Variants in PKNOX2 observed in about 807,000 individuals in gnomAD.
PKNOX2 encodes homeobox protein PKNOX2.
In PKNOX2, 14 loss-of-function variants were observed where a neutral mutation model predicts 53.1. That is an observed-to-expected ratio of 0.26 (90% CI 0.17 to 0.41). The LOEUF is 0.41. Ranked by LOEUF, PKNOX2 falls within the 10% of genes least tolerant of loss-of-function variation. The pLI is 1.00. For missense variants in PKNOX2, 496 were observed against 602.8 expected, an observed-to-expected ratio of 0.82 and a Z score of 1.85; for synonymous variants, 257 against 242.8, an observed-to-expected ratio of 1.06 and a Z score of -0.54.
rs901821319 is a variant in PKNOX2 at position 125,326,832 on chromosome 11, A to C, written c.-129-4987A>C. 3.9e-5 allele frequency among the ~76,000 whole-genome samples: 6 copies of C among 152,372 alleles called. No homozygotes were observed. The East Asian group carries it at 1.2e-3, about 29-fold the overall frequency. On this transcript the variant is annotated intron_variant, in intron 2 of 12. Transcript: ENST00000298282. ...AAACCGGTGGCATGCTTCATCCAAC[A>C]TCACAGAGCAAATGTGTGATGAAGC...
At chr11:125,206,700 C>T (rs1565469205) in intron 1 of PKNOX2, among the ~76,000 whole-genome samples, 2 of 152,050 alleles carry the variant, frequency 1.3e-5, no homozygotes, top group Non-Finnish European at 2.9e-5. Context: ...TAGTACTTAC[C>T]TCATTGAGAT....
At chr11:125,257,288 T>TAGGGGAG (rs1366756586) in intron 2 of PKNOX2, among the ~76,000 whole-genome samples, 5 of 152,054 alleles carry the variant, frequency 3.3e-5, no homozygotes, top group South Asian at 2.1e-4. Context: ...TTGTCGGAGG[T>TAGGGGAG]AGGGGAGAGG....
chr11:125,226,613 C>T (rs1040614968), intron 1 of PKNOX2, among the ~76,000 whole-genome samples: 4 of 151,786 alleles, frequency 2.6e-5, no homozygotes, highest in Admixed American at 2.6e-4. Flanking sequence ...TGCCCAAATC[C>T]TCTCATCTCT....
chr11:125,360,920 G>T (rs916151107), intron 4 of PKNOX2, among the ~76,000 whole-genome samples: 2 of 152,184 alleles, frequency 1.3e-5, no homozygotes, highest in Non-Finnish European at 2.9e-5. Flanking sequence ...AATCACACAG[G>T]CAGGAGAGAG....
At chr11:125,359,531 G>C (rs995395606) in intron 4 of PKNOX2, among the ~76,000 whole-genome samples, 2 of 152,306 alleles carry the variant, frequency 1.3e-5, no homozygotes, top group African/African-American at 4.8e-5. Flanking sequence ...GAGCGCCCTG[G>C]ACTCTGTGCC....
intron 3 of PKNOX2, among the ~76,000 whole-genome samples, chr11:125,348,043 G>T (rs988736664): frequency 3.4e-4 from 52 of 152,160 alleles, no homozygotes; most frequent in African/African-American, 1.2e-3. Flanking sequence ...AGGGGCTCAG[G>T]CCTGCTGCTC....
At chr11:125,228,318 C>T (rs553076642) in intron 1 of PKNOX2, among the ~76,000 whole-genome samples, 10 of 152,206 alleles carry the variant, frequency 6.6e-5, no homozygotes, top group South Asian at 2.1e-4. Context: ...AAAAGTCACA[C>T]GTGGCCCTTG....
At chr11:125,228,669 A>G (rs1941932712) in intron 1 of PKNOX2, among the ~76,000 whole-genome samples, 1 of 152,174 alleles carries the variant, frequency 6.6e-6, no homozygotes, top group African/African-American at 2.4e-5. Flanking sequence ...GCAAGTGATT[A>G]ACATGGTGTA....
chr11:125,178,553 G>GGAAGGAAGGAAC (rs1565462231), intron 1 of PKNOX2, among the ~76,000 whole-genome samples: 2 of 112,234 alleles, frequency 1.8e-5, no homozygotes, highest in Non-Finnish European at 3.2e-5. Flanking sequence ...AGAGAGAGAA[G>GGAAGGAAGGAAC]GAAGGAAGGA....
chr11:125,431,449 CTTCAGGGTGGGGGGGAAGGGGA>C lies in PKNOX2; in HGVS notation c.*58_*79del. 9.5e-7 allele frequency: 1 copy of C among 1,053,130 alleles called. No homozygotes were observed. The allele number at this position is 1,053,130 out of a possible 1,614,324, so 65.2% of individuals were successfully genotyped here. A position where few individuals can be genotyped will look rare whatever the true frequency, so the allele number is the denominator to read the frequency against. ...CAGGAGAGGAGTGTCGCCGGGAGGC[CTTCAGGGTGGGGGGGAAGGGGA>C]CATGGGCAGGAAGCACCGAGGGAGT... On this transcript the variant is annotated 3_prime_UTR_variant, in exon 13 of 13. Coordinates refer to ENST00000298282, the MANE Select transcript of PKNOX2 (RefSeq NM_001382323.2).
chr11:125,229,939 G>A (rs1379606966), intron 1 of PKNOX2, among the ~76,000 whole-genome samples: 1 of 152,234 alleles, frequency 6.6e-6, no homozygotes, highest in Non-Finnish European at 1.5e-5. Flanking sequence ...AAGGTCATAA[G>A]TATGTCCACT....
intron 2 of PKNOX2, among the ~76,000 whole-genome samples, chr11:125,255,017 C>T (rs1395795844): frequency 6.6e-6 from 1 of 152,182 alleles, no homozygotes; most frequent in Non-Finnish European, 1.5e-5. Flanking sequence ...GAGGATGCAA[C>T]GCGAATGATA....
chr11:125,198,188 T>C lies in PKNOX2; in HGVS notation c.-201+33412T>C, dbSNP rs150045693. ...GAAAAGAGAGCAGCAGAGGGATGAG[T>C]TGTGTCAGGAGCCCAGCATGGAATC... is the stretch of plus-strand genomic sequence containing the variant. On this transcript the variant is annotated intron_variant, in intron 1 of 12. Transcript: ENST00000298282. 4.0e-3 allele frequency among the ~76,000 whole-genome samples: 616 copies of C among 152,188 alleles called. 5 individuals carry two copies. Among genetic ancestry groups the C allele is most frequent in the African/African-American group, 0.013 (553 of 41,516 alleles).
rs570482005 is a variant in PKNOX2, at chr11:125,218,414, G to GC, written c.-200-16631_-200-16630insC. ...GGTGCTGCGTGGCAGTGATGGGGGGGGGACAGGAACTTGTTCCAAAATTTG... is the reference window on the plus strand; with the variant it reads ...GGTGCTGCGTGGCAGTGATGGGGGGGCGGACAGGAACTTGTTCCAAAATTTG... On this transcript the variant is annotated intron_variant, in intron 1 of 12. Transcript: ENST00000298282. 5.0e-3 allele frequency among the ~76,000 whole-genome samples: 758 copies of GC among 150,336 alleles called. 5 individuals are homozygous for GC. Among genetic ancestry groups the GC allele is most frequent in the African/African-American group, 0.018 (718 of 40,664 alleles).
chr11:125,338,521 G>A (rs1950533346), intron 3 of PKNOX2, among the ~76,000 whole-genome samples: 1 of 152,132 alleles, frequency 6.6e-6, no homozygotes, highest in South Asian at 2.1e-4. Context: ...TCCCATCCCA[G>A]AGCCTGGCTC....
chr11:125,410,474 A>T, intron 8 of PKNOX2, 149 bp downstream of exon 8: 1 of 1,166,032 alleles, frequency 8.6e-7, no homozygotes, highest in Non-Finnish European at 1.2e-6. Flanking sequence ...GTAAGTTTAT[A>T]GACGGTTAGC....
At chr11:125,335,662 T>TA (rs570699570) in intron 3 of PKNOX2, among the ~76,000 whole-genome samples, 64 of 152,276 alleles carry the variant, frequency 4.2e-4, no homozygotes, top group African/African-American at 1.5e-3. Context: ...GTATTAATTT[T>TA]AAAAAATTAG....
At chr11:125,174,747 G>A (rs1202852941) in intron 1 of PKNOX2, among the ~76,000 whole-genome samples, 1 of 152,118 alleles carries the variant, frequency 6.6e-6, no homozygotes, top group Admixed American at 6.6e-5. Flanking sequence ...GGAGGGTCAG[G>A]GGGACAGAAA....
intron 2 of PKNOX2, among the ~76,000 whole-genome samples, chr11:125,237,428 G>A (rs928192241): frequency 6.6e-6 from 1 of 152,164 alleles, no homozygotes; most frequent in African/African-American, 2.4e-5. Context: ...TGAAAGAACA[G>A]GATGAAGAAT....
Sources: gnomAD v4.1 joint callset for allele counts (sites outside exome capture counted in the v4.1 genomes callset) on GRCh38, gnomAD v4.1.1 for gene constraint, MANE v1.5 for transcripts, NCBI Gene and HGNC (gene_info 2026-07-23, HGNC 2026-07-21) for gene names.